The following PIAS3 variants were observed in gnomAD, a reference collection of about 807,000 sequenced individuals.
PIAS3 encodes the protein protein inhibitor of activated STAT 3.
Under a neutral mutation model 67.6 loss-of-function variants are expected in PIAS3, and 34 were observed. The ratio of observed to expected loss-of-function variants is 0.50; its 90% CI spans 0.38 to 0.67. PIAS3 has a LOEUF of 0.67. Ranked by LOEUF, PIAS3 falls within the 30% of genes least tolerant of loss-of-function variation. The pLI is 0.00. For synonymous variants in PIAS3, 341 were observed against 313.8 expected (o/e 1.09, Z -0.92); for missense variants, 693 against 791.6 (o/e 0.88, Z 1.49).
chr1:145,855,261 C>A (rs587707215), intron 5 of PIAS3, among the ~76,000 whole-genome samples: 1 of 152,244 alleles, frequency 6.6e-6, no homozygotes, highest in South Asian at 2.1e-4. Context: ...GTGGGTGGAT[C>A]ACCTGAGGTC....
At chr1:145,849,992 A>AC (rs1223802384) in intron 13 of PIAS3, 4 of 1,431,530 alleles carry the variant, frequency 2.8e-6, no homozygotes, top group Non-Finnish European at 3.6e-6. Context: ...CTAAGTGCAC[A>AC]CGGGGGTAGG....
rs1553736158 is a variant in PIAS3, at chr1:145,858,998, C to T, written c.-8G>A. Reference sequence around the variant, plus strand: ...TTCGCCCAGCTCCGCCATCTTGAGACATCGCAGGCGCCCCAGCCGGAGCCG... The same window carrying T: ...TTCGCCCAGCTCCGCCATCTTGAGATATCGCAGGCGCCCCAGCCGGAGCCG... On this transcript the variant is annotated 5_prime_UTR_variant, in exon 1 of 14. It removes an upstream start codon present in the reference 5' UTR. Coordinates refer to ENST00000393045, the MANE Select transcript of PIAS3 (RefSeq NM_006099.3). 1 of 1,545,272 alleles carries T rather than the reference C, an allele frequency of 6.5e-7. No individual in the cohort carries two copies. The highest frequency in any genetic ancestry group is 8.7e-7 in the Non-Finnish European group (1 of 1,146,594).
chr1:145,856,971 C>G lies in PIAS3; in HGVS notation c.60G>C (p.Gln20His). 6.2e-7 allele frequency: 1 copy of G among 1,614,168 alleles called. No individual in the cohort carries two copies. Among genetic ancestry groups the G allele is most frequent in the South Asian group, 1.1e-5 (1 of 91,084 alleles). ...TCCGGCCAGCAAAGCCAAGAAGCAC[C>G]TGGAGCTCAGACACCCGGAAACTCA... ...MVMSFRVSEL[Q>H]VLLGFAGRNK... Residue 20 changes from glutamine (Q) to histidine (H), a missense_variant, in exon 2 of 14, where the codon CAG becomes CAC. Physicochemically the swap from Gln to His is conservative, Grantham distance 24 (BLOSUM62 0). Coordinates refer to ENST00000393045, the MANE Select transcript of PIAS3 (RefSeq NM_006099.3).
rs587613648 is a variant in PIAS3, at chr1:145,854,346, G to C, written c.910+112C>G. 3.1e-5 allele frequency: 23 copies of C among 739,650 alleles called. No individual in the cohort carries two copies. The African/African-American group carries it at 3.8e-4, about 12-fold the overall frequency. The allele number at this position is 739,650 out of a possible 1,614,324, so 45.8% of individuals were successfully genotyped here. A position where few individuals can be genotyped will look rare whatever the true frequency, so the allele number is the denominator to read the frequency against. Reference sequence around the variant, plus strand: ...AGAGGGGGAGGGTTGGGGTTCATGTGAGAAGGGGAGTAAGTTGTCAAAAAA... The same window carrying C: ...AGAGGGGGAGGGTTGGGGTTCATGTCAGAAGGGGAGTAAGTTGTCAAAAAA... On this transcript the variant is annotated intron_variant, in intron 7 of 13. Coordinates refer to ENST00000393045, the MANE Select transcript of PIAS3 (RefSeq NM_006099.3).
Position 145,848,622 on chromosome 1 carries a change from A to G in PIAS3, c.*824T>C. 2 of 656,788 alleles carry G rather than the reference A, an allele frequency of 3.0e-6. No homozygotes were observed. The highest frequency in any genetic ancestry group is 5.2e-6 in the Non-Finnish European group (2 of 384,220). 40.7% of individuals were successfully genotyped at this position (656,788 alleles called of 1,614,324 possible). A position where few individuals can be genotyped will look rare whatever the true frequency, so the allele number is the denominator to read the frequency against. On this transcript the variant is annotated 3_prime_UTR_variant, in exon 14 of 14. Transcript: ENST00000393045. ...TCCTAGGCCTTGGCGAGCCTGAAAAAGAAGATTGGGAAGGAGGGCACAGGG... is the reference window on the plus strand; with the variant it reads ...TCCTAGGCCTTGGCGAGCCTGAAAAGGAAGATTGGGAAGGAGGGCACAGGG...
chr1:145,850,066 AG>A, intron 13 of PIAS3, 165 bp downstream of exon 13: 1 of 1,466,578 alleles, frequency 6.8e-7, no homozygotes. Flanking sequence ...TAGGAATCTC[AG>A]GAACTACCAG....
rs1483848894 is a variant in PIAS3, at chr1:145,858,850, C to A, written c.24+117G>T. On this transcript the variant is annotated intron_variant, in intron 1 of 13. Transcript: ENST00000393045. Reference sequence around the variant, plus strand: ...TACTTCTCTCCCATCCTCAGCAGCTCGTGCCTGCCACGTCGTCGGCGCCCA... The same window carrying A: ...TACTTCTCTCCCATCCTCAGCAGCTAGTGCCTGCCACGTCGTCGGCGCCCA... The A allele has an allele frequency of 1.1e-5, 10 of 924,974 alleles. No individual in the cohort carries two copies. In the African/African-American group the frequency reaches 1.8e-4, roughly 16 times the overall value. The allele number at this position is 924,974 out of a possible 1,614,324, so 57.3% of individuals were successfully genotyped here. A position where few individuals can be genotyped will look rare whatever the true frequency, so the allele number is the denominator to read the frequency against.
At chr1:145,853,358 C>G (rs1653033970) in intron 9 of PIAS3, 146 bp downstream of exon 9, 2 of 568,892 alleles carry the variant, frequency 3.5e-6, no homozygotes, top group Non-Finnish European at 5.7e-6. Flanking sequence ...TGCAGTGAGC[C>G]AAGATTGTGC....
chr1:145,858,543 C>T (rs1025728943), intron 1 of PIAS3, among the ~76,000 whole-genome samples: 35 of 152,004 alleles, frequency 2.3e-4, no homozygotes, highest in Non-Finnish European at 3.1e-4. Flanking sequence ...TGCCTTTCCC[C>T]CGGAGCCTCC....
chr1:145,857,069 T>C (rs1335861871), intron 1 of PIAS3, 63 bp from the exon 2 acceptor site: 2 of 1,440,252 alleles, frequency 1.4e-6, no homozygotes, highest in Non-Finnish European at 1.9e-6. Context: ...TGCCAAGACA[T>C]GGGCTGAGCT....
In PIAS3 at chr1:145,854,043, G is replaced by A. The variant is rs1559163948; in HGVS notation, c.911-157C>T. ...TCACATGGAAGTGGTCTGGGATATG[G>A]ATGATGAAGGCTGGGTGTGGGGGAT... On this transcript the variant is annotated intron_variant, in intron 7 of 13. Transcript: ENST00000393045. 7 of 626,390 alleles carry A rather than the reference G, an allele frequency of 1.1e-5. No homozygotes were observed. In the East Asian group the frequency reaches 1.9e-4, roughly 17 times the overall value. 38.8% of individuals were successfully genotyped at this position (626,390 alleles called of 1,614,324 possible). A position where few individuals can be genotyped will look rare whatever the true frequency, so the allele number is the denominator to read the frequency against.
intron 7 of PIAS3, 141 bp downstream of exon 7, chr1:145,854,317 G>T: frequency 1.5e-6 from 1 of 653,394 alleles, no homozygotes; most frequent in Non-Finnish European, 2.7e-6. Context: ...GACTGGTCAG[G>T]GGTAGAGGGG....
chr1:145,851,992 C>T (rs979526274), intron 9 of PIAS3, among the ~76,000 whole-genome samples: 7 of 150,892 alleles, frequency 4.6e-5, no homozygotes, highest in African/African-American at 1.5e-4. Flanking sequence ...TGAGCACTTA[C>T]GTGTAGTATA....
In PIAS3 at chr1:145,853,674, A is replaced by G; in HGVS notation, c.985-10T>C. On this transcript the variant is annotated splice_polypyrimidine_tract_variant and intron_variant, in intron 8 of 13. Coordinates refer to ENST00000393045, the MANE Select transcript of PIAS3 (RefSeq NM_006099.3). ...GGCGCATCTTCCCTAGCTGAGGAGAAGCAAGTTCTCTTGTCAGAGGCCCTA... is the reference window on the plus strand; with the variant it reads ...GGCGCATCTTCCCTAGCTGAGGAGAGGCAAGTTCTCTTGTCAGAGGCCCTA... The G allele has an allele frequency of 6.2e-7, 1 of 1,613,362 alleles. No homozygotes were observed.
intron 1 of PIAS3, 131 bp downstream of exon 1, chr1:145,858,836 C>T: frequency 1.2e-6 from 1 of 808,990 alleles, no homozygotes; most frequent in East Asian, 3.4e-5. Context: ...ACTTCTCTCC[C>T]ATCCTCAGCA....
chr1:145,854,948 GAT>G, intron 5 of PIAS3, 68 bp from the exon 6 acceptor site: 1 of 1,575,372 alleles, frequency 6.3e-7, no homozygotes, highest in Non-Finnish European at 8.7e-7. Context: ...TTGAACAAAA[GAT>G]ATCTTGTCTC....
chr1:145,855,876 T>C (rs372181697), intron 4 of PIAS3, 50 bp from the exon 5 acceptor site: 1 of 1,272,382 alleles, frequency 7.9e-7, no homozygotes, highest in African/African-American at 1.5e-5. Context: ...TTTCTTAACT[T>C]GAATCTGGCA....
In PIAS3 at chr1:145,858,999, A is replaced by G. The variant is rs373991070; in HGVS notation, c.-9T>C. The G allele has an allele frequency of 2.6e-6, 4 of 1,544,106 alleles. No individual in the cohort carries two copies. The African/African-American group carries it at 5.6e-5, about 22-fold the overall frequency. On this transcript the variant is annotated 5_prime_UTR_variant, in exon 1 of 14. It removes an upstream start codon present in the reference 5' UTR. Coordinates refer to ENST00000393045, the MANE Select transcript of PIAS3 (RefSeq NM_006099.3). The stretch of plus-strand genomic sequence containing the variant: ...TCGCCCAGCTCCGCCATCTTGAGAC[A>G]TCGCAGGCGCCCCAGCCGGAGCCGG...
Position 145,851,077 on chromosome 1 carries a change from T to A in PIAS3, c.1222A>T (p.Met408Leu). ...QFMEDGSWCP[M>L]KPKKEASEVC... ...TCAGATGCCTCCTTCTTGGGTTTCA[T>A]TGGGCACCAGGATCCATCTTCCATG... The change falls in exon 10 of 14, where the codon ATG becomes TTG. Residue 408 changes from methionine (M) to leucine (L), a missense_variant. Met to Leu is a conservative substitution (Grantham distance 15). Coordinates refer to ENST00000393045, the MANE Select transcript of PIAS3 (RefSeq NM_006099.3). 2 of 1,614,158 alleles carry A rather than the reference T, an allele frequency of 1.2e-6. No individual in the cohort carries two copies. Among genetic ancestry groups the A allele is most frequent in the Non-Finnish European group, 1.7e-6 (2 of 1,180,030 alleles).
Sources: gnomAD v4.1 joint callset for allele counts (sites outside exome capture counted in the v4.1 genomes callset) on GRCh38, gnomAD v4.1.1 for gene constraint, MANE v1.5 for transcripts, NCBI Gene and HGNC (gene_info 2026-07-23, HGNC 2026-07-21) for gene names.